Variants in ANK1 observed in about 807,000 individuals in gnomAD.
ANK1 encodes the protein ankyrin-1.
In ANK1, 51 loss-of-function variants were observed where a neutral mutation model predicts 210.4. The observed-to-expected ratio is 0.24, with a 90% CI of 0.19 to 0.31. The LOEUF is 0.31. ANK1 is among the 10% of genes least tolerant of loss of function. The pLI, the probability that ANK1 is intolerant of heterozygous loss-of-function variation, is 1.00. For synonymous variants in ANK1, 967 were observed against 1,025.9 expected (o/e 0.94, Z 1.10); for missense variants, 2,051 against 2,504.4 (o/e 0.82, Z 3.86).
At chr8:41,657,239 G>A (rs72638950) in intron 42 of ANK1, among the ~76,000 whole-genome samples, 6,736 of 152,168 alleles carry the variant, frequency 0.044, 218 homozygotes, top group African/African-American at 0.085. Flanking sequence ...TGGCAGAGTC[G>A]AGTGGGTAAG....
intron 1 of ANK1, among the ~76,000 whole-genome samples, chr8:41,760,509 A>G (rs1358530141): frequency 6.6e-6 from 1 of 152,178 alleles, no homozygotes; most frequent in African/African-American, 2.4e-5. Context: ...AGTCTCGGGT[A>G]CATCTTTATT....
rs1023200923 is a variant in ANK1 at position 41,816,322 on chromosome 8, C to G, written c.127-58185G>C. Among the ~76,000 whole-genome samples the G allele has an allele frequency of 3.3e-5, 5 of 152,308 alleles. No homozygotes were observed. In the East Asian group the frequency reaches 9.6e-4, roughly 29 times the overall value. On this transcript the variant is annotated intron_variant, in intron 1 of 42. Transcript: ENST00000265709. ...CTGCAGTTTTACTTGCACAGTTGCT[C>G]TTAGGTTGAACCCATAGTCTTACGA...
chr8:41,664,816 C>T (rs764021905), intron 39 of ANK1: 1 of 1,607,286 alleles, frequency 6.2e-7, no homozygotes, highest in Non-Finnish European at 8.5e-7. Context: ...TTCAGGAAGA[C>T]CCGCCGCCGG....
rs148153736 is a variant in ANK1, at chr8:41,664,195, C to T, written c.5395-453G>A. 7.6e-4 allele frequency: 347 copies of T among 457,312 alleles called. 2 individuals carry two copies. The highest frequency in any genetic ancestry group is 4.4e-3 in the African/African-American group (222 of 50,280). 28.3% of individuals were successfully genotyped at this position (457,312 alleles called of 1,614,324 possible). ...AGAAACAGGACGATCCGGGTGCAAT[C>T]CCATGGTGGCTCACGCCTGCTATCC... On this transcript the variant is annotated intron_variant, in intron 39 of 42. Coordinates refer to ENST00000289734, the MANE Select transcript of ANK1 (RefSeq NM_000037.4).
intron 1 of ANK1, among the ~76,000 whole-genome samples, chr8:41,779,656 A>G (rs1844858296): frequency 6.6e-6 from 1 of 152,214 alleles, no homozygotes; most frequent in African/African-American, 2.4e-5. Context: ...GGTGCTGGGC[A>G]CTGCTCTAAG....
At chr8:41,692,578 G>A (rs1265816180) in intron 31 of ANK1, 70 bp downstream of exon 31, 1 of 1,477,164 alleles carries the variant, frequency 6.8e-7, no homozygotes, top group Admixed American at 1.7e-5. Context: ...GCCTGCACCT[G>A]GTAATGGTGT....
chr8:41,672,890 C>G lies in ANK1; in HGVS notation c.4560G>C (p.Glu1520Asp). 6.2e-7 allele frequency: 1 copy of G among 1,603,574 alleles called. No homozygotes were observed. ...AGCCCAGGGAGGCAGGGGACAGCAG[C>G]TCGTCCTGCAGTGAGGAGTAACCTG... ...QMNGYSSLQD[E>D]LLSPASLGCA... The change falls in exon 38 of 43, where the codon GAG becomes GAC. Residue 1520 changes from glutamate (E) to aspartate (D), a missense_variant. Transcript: ENST00000289734.
intron 1 of ANK1, among the ~76,000 whole-genome samples, chr8:41,786,070 CCG>C (rs1846310700): frequency 6.6e-6 from 1 of 152,220 alleles, no homozygotes; most frequent in Non-Finnish European, 1.5e-5. Flanking sequence ...TCTCCTCCTC[CCG>C]AGTTTCCAAA....
chr8:41,797,369 T>G lies in ANK1; in HGVS notation c.27+143A>C. The stretch of plus-strand genomic sequence containing the variant: ...TTCAGCTACAAGGTCGATGTGCCGC[T>G]ATGCTAAGGCAGGGAGCCCACGGGG... On this transcript the variant is annotated intron_variant, in intron 1 of 42. Coordinates refer to ENST00000289734, the MANE Select transcript of ANK1 (RefSeq NM_000037.4). The surrounding 1 kb of genome is among the most constrained non-coding windows in gnomAD (Gnocchi z 4.0). 1 of 704,406 alleles carries G rather than the reference T, an allele frequency of 1.4e-6. No individual in the cohort carries two copies. Among genetic ancestry groups the G allele is most frequent in the East Asian group, 2.8e-5 (1 of 35,470 alleles). 43.6% of individuals were successfully genotyped at this position (704,406 alleles called of 1,614,324 possible). A position where few individuals can be genotyped will look rare whatever the true frequency, so the allele number is the denominator to read the frequency against.
intron 1 of ANK1, among the ~76,000 whole-genome samples, chr8:41,775,659 C>G (rs1843865736): frequency 6.6e-6 from 1 of 152,178 alleles, no homozygotes; most frequent in South Asian, 2.1e-4. Context: ...GCAAGAATAT[C>G]ACTTGAGGCC....
rs61758866 is a variant in ANK1 at position 41,695,259 on chromosome 8, G to A, written c.3033C>T (p.Ser1011=). The part of the protein sequence containing the change: ...RGDRELVVLR[S]ENGSVWKEHR... Reference sequence around the variant, plus strand: ...GCTCCTTCCACACGGAGCCGTTTTCGCTCCTCAGAACCACGAGCTCGCGGT... The same window carrying A: ...GCTCCTTCCACACGGAGCCGTTTTCACTCCTCAGAACCACGAGCTCGCGGT... The change falls in exon 27 of 43, where the codon AGC becomes AGT. Residue 1011 remains serine, a synonymous_variant. Transcript: ENST00000289734. The A allele has an allele frequency of 8.2e-4, 1,326 of 1,613,990 alleles. 11 individuals carry two copies. In the African/African-American group the frequency reaches 0.014, roughly 17 times the overall value.
At chr8:41,792,676 G>C (rs981847174) in intron 1 of ANK1, among the ~76,000 whole-genome samples, 1 of 152,160 alleles carries the variant, frequency 6.6e-6, no homozygotes, top group Non-Finnish European at 1.5e-5. Flanking sequence ...TGGAAAATGA[G>C]GAGGGCCCTG....
intron 1 of ANK1, among the ~76,000 whole-genome samples, chr8:41,826,118 T>C (rs913254251): frequency 6.6e-5 from 10 of 152,178 alleles, no homozygotes; most frequent in Non-Finnish European, 1.2e-4. Flanking sequence ...AGGAAATGTA[T>C]GCCCCTAGCA....
In ANK1 at chr8:41,715,015, C is replaced by T. The variant is rs1278901718; in HGVS notation, c.1662G>A (p.Leu554=). 1.9e-6 allele frequency: 3 copies of T among 1,614,190 alleles called. No homozygotes were observed. Among genetic ancestry groups the T allele is most frequent in the Non-Finnish European group, 2.5e-6 (3 of 1,180,034 alleles). Reference sequence around the variant, plus strand: ...TCGGGTGTGCGTCCCGCTCCAGCAGCAGCTCTGCCACCCGCACCTTCCCGT... The same window carrying T: ...TCGGGTGTGCGTCCCGCTCCAGCAGTAGCTCTGCCACCCGCACCTTCCCGT... ...AKYGKVRVAE[L]LLERDAHPNA... The change falls in exon 15 of 43, where the codon CTG becomes CTA. Residue 554 remains leucine (L), a synonymous_variant. Coordinates refer to ENST00000289734, the MANE Select transcript of ANK1 (RefSeq NM_000037.4).
chr8:41,750,719 C>T lies in ANK1; in HGVS notation c.129+7317G>A, dbSNP rs534329677. 3.3e-5 allele frequency among the ~76,000 whole-genome samples: 5 copies of T among 152,292 alleles called. No individual in the cohort carries two copies. In the South Asian group the frequency reaches 1.0e-3, roughly 32 times the overall value. Reference sequence around the variant, plus strand: ...ACAAAAATAAGCAGACACATACATGCATATGAAGGCACGCAGTAACAAGCA... The same window carrying T: ...ACAAAAATAAGCAGACACATACATGTATATGAAGGCACGCAGTAACAAGCA... On this transcript the variant is annotated intron_variant, in intron 2 of 42. Coordinates refer to ENST00000289734, the MANE Select transcript of ANK1 (RefSeq NM_000037.4).
At chr8:41,849,816 T>C (rs1810873113) in intron 1 of ANK1, among the ~76,000 whole-genome samples, 2 of 152,210 alleles carry the variant, frequency 1.3e-5, no homozygotes, top group South Asian at 2.1e-4. Context: ...TCCTCTTAAC[T>C]CTTTTTCACC....
chr8:41,822,684 T>G (rs1804680144), intron 1 of ANK1, among the ~76,000 whole-genome samples: 1 of 152,168 alleles, frequency 6.6e-6, no homozygotes, highest in African/African-American at 2.4e-5. Context: ...GGACTTGTGC[T>G]TGCAATGAGG....
Position 41,724,503 on chromosome 8 carries a change from C to T in ANK1, c.664G>A (p.Ala222Thr). The change falls in exon 7 of 43, where the codon GCC becomes ACC. Residue 222 changes from alanine (A) to threonine (T), a missense_variant. Coordinates refer to ENST00000289734, the MANE Select transcript of ANK1 (RefSeq NM_000037.4). ...GCTCCTCTGTTGAGGAGCAACTGGG[C>T]CACGTTGAGGTTCTCGTAGTGAGCC... is the stretch of plus-strand genomic sequence containing the variant. Reference protein sequence around the residue: ...IAAHYENLNVAQLLLNRGASV... With the variant: ...IAAHYENLNVTQLLLNRGASV... The T allele has an allele frequency of 6.2e-7, 1 of 1,602,098 alleles. No individual in the cohort carries two copies. The highest frequency in any genetic ancestry group is 1.3e-5 in the African/African-American group (1 of 74,862).
intron 38 of ANK1, among the ~76,000 whole-genome samples, chr8:41,671,026 G>A (rs551816098): frequency 1.2e-4 from 18 of 152,334 alleles, no homozygotes; most frequent in African/African-American, 4.1e-4. Context: ...TGCACTCAGC[G>A]GAGGGGCATG....
Sources: gnomAD v4.1 joint callset for allele counts (sites outside exome capture counted in the v4.1 genomes callset) on GRCh38, gnomAD v4.1.1 for gene constraint, Gnocchi (gnomAD v3.1) non-coding constraint, MANE v1.5 for transcripts, NCBI Gene and HGNC (gene_info 2026-07-23, HGNC 2026-07-21) for gene names.